ZNF385B: variants seen among roughly 807,000 people sequenced by gnomAD.
The protein encoded by ZNF385B is zinc finger protein 533.
Under a neutral mutation model 39.2 loss-of-function variants are expected in ZNF385B, and 23 were observed. That is an observed-to-expected ratio of 0.59 (90% confidence interval 0.42 to 0.83). ZNF385B has a LOEUF of 0.83. ZNF385B is among the 40% of genes least tolerant of loss of function. ZNF385B has a pLI of 0.00. For synonymous variants in ZNF385B, 205 were observed against 222.6 expected (o/e 0.92, Z 0.70); for missense variants, 552 against 598.9 (o/e 0.92, Z 0.82).
intron 6 of ZNF385B, among the ~76,000 whole-genome samples, chr2:179,456,968 T>C (rs546930318): frequency 6.6e-6 from 1 of 152,288 alleles, no homozygotes; most frequent in Non-Finnish European, 1.5e-5. Context: ...TTTTAATGTA[T>C]GTATACATTC....
At chr2:179,746,033 CA>C in intron 3 of ZNF385B, 1 of 1,090,984 alleles carries the variant, frequency 9.2e-7, no homozygotes, top group Non-Finnish European at 1.1e-6. Flanking sequence ...GTGCTGAAAC[CA>C]GAAGCACTGT....
chr2:179,604,514 A>G (rs1688649008), intron 3 of ZNF385B, among the ~76,000 whole-genome samples: 1 of 152,010 alleles, frequency 6.6e-6, no homozygotes, highest in Non-Finnish European at 1.5e-5. Flanking sequence ...CCCAACAATC[A>G]TTTCTGCAAT....
chr2:179,719,361 A>C (rs1462447575), intron 3 of ZNF385B, among the ~76,000 whole-genome samples: 1 of 152,210 alleles, frequency 6.6e-6, no homozygotes. Flanking sequence ...CCCTGCACCC[A>C]GGTGAAAGGT....
intron 1 of ZNF385B, among the ~76,000 whole-genome samples, chr2:179,798,884 T>G (rs993565489): frequency 2.0e-5 from 3 of 152,090 alleles, no homozygotes; most frequent in Non-Finnish European, 4.4e-5. Context: ...TTTCCAAATT[T>G]TATCTACATA....
At chr2:179,801,667 T>C (rs1012501761) in intron 1 of ZNF385B, among the ~76,000 whole-genome samples, 2 of 152,142 alleles carry the variant, frequency 1.3e-5, no homozygotes, top group Non-Finnish European at 2.9e-5. Context: ...ATATAAAAAT[T>C]TGTAAAATAA....
chr2:179,791,652 A>C (rs911674436), intron 1 of ZNF385B, among the ~76,000 whole-genome samples: 2 of 152,262 alleles, frequency 1.3e-5, no homozygotes, highest in Admixed American at 1.3e-4. Context: ...TTTAGACAGT[A>C]ACAGTGCCAT....
At chr2:179,537,767 A>AC (rs1491447814) in intron 4 of ZNF385B, among the ~76,000 whole-genome samples, 1,476 of 125,286 alleles carry the variant, frequency 0.012, 29 homozygotes, top group African/African-American at 0.043. Flanking sequence ...ACAAACAAAC[A>AC]AAAAAAAAAA....
intron 3 of ZNF385B, among the ~76,000 whole-genome samples, chr2:179,769,292 T>C (rs1282516636): frequency 6.6e-6 from 1 of 152,236 alleles, no homozygotes; most frequent in Non-Finnish European, 1.5e-5. Flanking sequence ...TATGTGTGTA[T>C]GTGTGTGTGC....
At chr2:179,662,082 G>A (rs1327750597) in intron 3 of ZNF385B, among the ~76,000 whole-genome samples, 2 of 152,204 alleles carry the variant, frequency 1.3e-5, no homozygotes, top group African/African-American at 4.8e-5. Flanking sequence ...TGTTATTAGT[G>A]AAGCAGATGT....
intron 3 of ZNF385B, among the ~76,000 whole-genome samples, chr2:179,746,928 T>C (rs1702416157): frequency 6.6e-6 from 1 of 152,124 alleles, no homozygotes; most frequent in Non-Finnish European, 1.5e-5. Context: ...AAATGTTTAT[T>C]AAAAATCACA....
At chr2:179,736,945 G>A (rs1288356298) in intron 3 of ZNF385B, among the ~76,000 whole-genome samples, 1 of 152,178 alleles carries the variant, frequency 6.6e-6, no homozygotes, top group Non-Finnish European at 1.5e-5. Context: ...ACTCCAGCCT[G>A]GCGACAGAGC....
chr2:179,457,045 A>T (rs960524018), intron 6 of ZNF385B, among the ~76,000 whole-genome samples: 4 of 152,084 alleles, frequency 2.6e-5, no homozygotes, highest in African/African-American at 9.7e-5. Flanking sequence ...TTGAACCCCT[A>T]CCAGTTGAGA....
chr2:179,678,888 C>T (rs1484015542), intron 3 of ZNF385B, among the ~76,000 whole-genome samples: 4 of 152,194 alleles, frequency 2.6e-5, no homozygotes. Context: ...GCTATCCACA[C>T]ATTCCCACAT....
intron 4 of ZNF385B, among the ~76,000 whole-genome samples, chr2:179,544,583 C>T (rs1356378879): frequency 6.6e-6 from 1 of 152,060 alleles, no homozygotes; most frequent in Non-Finnish European, 1.5e-5. Flanking sequence ...AATTGTGCAA[C>T]ACAACAGGTG....
At chr2:179,848,825 T>A (rs1708933242) in intron 1 of ZNF385B, among the ~76,000 whole-genome samples, 1 of 152,260 alleles carries the variant, frequency 6.6e-6, no homozygotes, top group African/African-American at 2.4e-5. Context: ...AGCAAACCCA[T>A]GCCAAGGAAG....
intron 5 of ZNF385B, among the ~76,000 whole-genome samples, chr2:179,509,698 T>A (rs2057521327): frequency 6.6e-6 from 1 of 152,238 alleles, no homozygotes; most frequent in African/African-American, 2.4e-5. Context: ...TAGATTTCCA[T>A]CTGATGCTAT....
chr2:179,557,403 T>C (rs2060977844), intron 3 of ZNF385B, among the ~76,000 whole-genome samples: 1 of 150,124 alleles, frequency 6.7e-6, no homozygotes, highest in Non-Finnish European at 1.5e-5. Flanking sequence ...AAAGCCAGTG[T>C]GGCCAAAAGC....
At chr2:179,662,046 A>G (rs1694542959) in intron 3 of ZNF385B, among the ~76,000 whole-genome samples, 1 of 152,200 alleles carries the variant, frequency 6.6e-6, no homozygotes, top group Non-Finnish European at 1.5e-5. Context: ...CTAAGCCAGC[A>G]TATAAACAGG....
chr2:179,639,520 T>A (rs1327667785), intron 3 of ZNF385B, among the ~76,000 whole-genome samples: 1 of 152,118 alleles, frequency 6.6e-6, no homozygotes, highest in Non-Finnish European at 1.5e-5. Flanking sequence ...TACAAGTTAC[T>A]TGCCAATTAT....
Sources: allele counts gnomAD v4.1 joint callset (sites outside exome capture counted in the v4.1 genomes callset), GRCh38; gene constraint gnomAD v4.1.1; transcripts MANE v1.5; gene names NCBI Gene and HGNC (gene_info 2026-07-23, HGNC 2026-07-21).